DLG5: variants seen among roughly 807,000 people sequenced by gnomAD.
DLG5 encodes discs large MAGUK scaffold protein 5.
DLG5 carries 48 observed loss-of-function variants against 189.8 expected under a neutral mutation model. The ratio of observed to expected loss-of-function variants is 0.25; its 90% CI spans 0.20 to 0.32. The LOEUF is 0.32. Among genes scored for constraint, DLG5 ranks in the 10% least tolerant of loss-of-function variants. The pLI is 1.00. For synonymous variants in DLG5, 1,016 were observed against 1,054.1 expected (o/e 0.96, Z 0.70); for missense variants, 2,160 against 2,544.7 (o/e 0.85, Z 3.25).
At chr10:77,890,552 C>T (rs974487054) in intron 1 of DLG5, among the ~76,000 whole-genome samples, 1 of 152,134 alleles carries the variant, frequency 6.6e-6, no homozygotes. Context: ...CACGGTGGTT[C>T]ACGCCTGTAA....
chr10:77,877,922 C>T (rs936498892), intron 1 of DLG5, among the ~76,000 whole-genome samples: 1 of 152,218 alleles, frequency 6.6e-6, no homozygotes, highest in Non-Finnish European at 1.5e-5. Flanking sequence ...GAAATCTGAG[C>T]AGCAGGGGCA....
Position 77,820,753 on chromosome 10 carries a change from C to G in DLG5, c.3402+329G>C, listed in dbSNP as rs554877234. 2.1e-4 allele frequency: 70 copies of G among 335,226 alleles called. No individual in the cohort carries two copies. The South Asian group carries it at 4.7e-3, about 23-fold the overall frequency. The allele number at this position is 335,226 out of a possible 1,614,324, so 20.8% of individuals were successfully genotyped here. A position where few individuals can be genotyped will look rare whatever the true frequency, so the allele number is the denominator to read the frequency against. ...GTCCCGCTGCCCACTCAGCCTCACA[C>G]GTGCCACCTCATCTCCCTAGCCCTT... On this transcript the variant is annotated intron_variant, in intron 15 of 31. Transcript: ENST00000372391.
chr10:77,816,155 G>C (rs995495696), intron 20 of DLG5: 2 of 494,070 alleles, frequency 4.0e-6, no homozygotes, highest in Non-Finnish European at 4.0e-6. Context: ...TCACTCCAAC[G>C]TCTGGATCCA....
intron 1 of DLG5, among the ~76,000 whole-genome samples, chr10:77,874,443 C>T (rs940007565): frequency 6.6e-6 from 1 of 152,196 alleles, no homozygotes; most frequent in African/African-American, 2.4e-5. Flanking sequence ...AAATCTGAAA[C>T]TTTTTGAGCA....
intron 5 of DLG5, among the ~76,000 whole-genome samples, chr10:77,850,718 TATC>T (rs1342018972): frequency 2.6e-5 from 4 of 152,178 alleles, no homozygotes; most frequent in African/African-American, 9.7e-5. Flanking sequence ...ATTAGAATAA[TATC>T]ATTAACGACC....
intron 2 of DLG5, chr10:77,868,610 A>C (rs1844780852): frequency 4.5e-6 from 1 of 223,418 alleles, no homozygotes; most frequent in African/African-American, 2.3e-5. Flanking sequence ...ACCCCACTAG[A>C]GGTGCTAAAC....
chr10:77,807,969 T>TCAGAAGG, intron 24 of DLG5, 25 bp from the exon 25 acceptor site: 1 of 1,613,174 alleles, frequency 6.2e-7, no homozygotes, highest in Non-Finnish European at 8.5e-7. Context: ...GGTGGATGCA[T>TCAGAAGG]CAGAAGGCAG....
intron 1 of DLG5, among the ~76,000 whole-genome samples, chr10:77,899,969 C>A (rs1023841381): frequency 6.6e-6 from 1 of 152,154 alleles, no homozygotes; most frequent in Non-Finnish European, 1.5e-5. Flanking sequence ...TCTACGGCTC[C>A]CTCTGGCCTA....
intron 5 of DLG5, chr10:77,846,861 C>T (rs1843720720): frequency 1.0e-5 from 4 of 389,682 alleles, no homozygotes; most frequent in Admixed American, 6.5e-5. Flanking sequence ...CAACGCTCTC[C>T]TGCAGCGGCT....
intron 1 of DLG5, among the ~76,000 whole-genome samples, chr10:77,906,955 A>G (rs1390842345): frequency 6.6e-6 from 1 of 151,912 alleles, no homozygotes; most frequent in Non-Finnish European, 1.5e-5. Flanking sequence ...TTGCAATCAC[A>G]TCATCCTTCT....
In DLG5 at chr10:77,796,423, G is replaced by C; in HGVS notation, c.5308+28C>G. 1 of 1,614,104 alleles carries C rather than the reference G, an allele frequency of 6.2e-7. No homozygotes were observed. ...GGACATAGAGACAAAGAGCCCAGTA[G>C]GCACAGAGGGTGCCCCGTGCCCCTT... On this transcript the variant is annotated intron_variant, in intron 28 of 31. Coordinates refer to ENST00000372391, the MANE Select transcript of DLG5 (RefSeq NM_004747.4). This position sits in a 1 kb window ranked among gnomAD's most constrained non-coding sequence, Gnocchi z 5.2.
intron 5 of DLG5, among the ~76,000 whole-genome samples, chr10:77,844,504 G>A (rs1049068055): frequency 1.3e-5 from 2 of 152,206 alleles, no homozygotes; most frequent in African/African-American, 4.8e-5. Flanking sequence ...CGGACCTAAA[G>A]ACTCTCAAAA....
intron 9 of DLG5, among the ~76,000 whole-genome samples, chr10:77,831,431 A>G (rs1243137714): frequency 6.6e-6 from 1 of 152,228 alleles, no homozygotes; most frequent in Non-Finnish European, 1.5e-5. Context: ...AAAAAATAAA[A>G]TCAAAATGCC....
intron 1 of DLG5, among the ~76,000 whole-genome samples, chr10:77,871,744 A>G (rs944822701): frequency 2.0e-5 from 3 of 151,676 alleles, no homozygotes; most frequent in African/African-American, 7.3e-5. Context: ...GGGTTTTGCT[A>G]TGTTGGCCAG....
At position 77,829,514 on chromosome 10, in the gene DLG5, G is replaced by A; in HGVS notation, c.2026C>T (p.Leu676=). 2 of 1,609,390 alleles carry A rather than the reference G, an allele frequency of 1.2e-6. No individual in the cohort carries two copies. Among genetic ancestry groups the A allele is most frequent in the East Asian group, 2.2e-5 (1 of 44,840 alleles). ...DGRLRVNDWL[L]RINDVDLINK... Reference sequence around the variant, plus strand: ...ATGAGGTCCACATCGTTGATTCTCAGCAGCCAGTCATTGACCCTGAGAAAG... The same window carrying A: ...ATGAGGTCCACATCGTTGATTCTCAACAGCCAGTCATTGACCCTGAGAAAG... The change falls in exon 12 of 32, where the codon CTG becomes TTG. Residue 676 remains leucine (L), a synonymous_variant. Coordinates refer to ENST00000372391, the MANE Select transcript of DLG5 (RefSeq NM_004747.4).
intron 5 of DLG5, among the ~76,000 whole-genome samples, chr10:77,847,842 G>C (rs1222293361): frequency 1.3e-5 from 2 of 152,114 alleles, no homozygotes; most frequent in Non-Finnish European, 2.9e-5. Context: ...AAGTAGCTGG[G>C]ACCACAGACA....
chr10:77,939,287 C>T, the DLG5 span, among the ~76,000 whole-genome samples: 1 of 152,148 alleles, frequency 6.6e-6, no homozygotes, highest in Non-Finnish European at 1.5e-5. Flanking sequence ...CCCTGCCTGC[C>T]CTGCCGGTGG....
chr10:77,831,262 G>A (rs1440791451), intron 9 of DLG5, among the ~76,000 whole-genome samples: 4 of 151,988 alleles, frequency 2.6e-5, no homozygotes, highest in Admixed American at 6.6e-5. Flanking sequence ...AAAATTAGCC[G>A]GGCGTGGTGG....
At chr10:77,835,969 T>C (rs754428264) in intron 7 of DLG5, 47 bp from the exon 8 acceptor site, 7 of 1,578,222 alleles carry the variant, frequency 4.4e-6, no homozygotes, top group Non-Finnish European at 6.1e-6. Context: ...CTGAGCCTCA[T>C]GGACCAGGAG....
Sources: gnomAD v4.1 joint callset for allele counts (sites outside exome capture counted in the v4.1 genomes callset) on GRCh38, gnomAD v4.1.1 for gene constraint, Gnocchi (gnomAD v3.1) non-coding constraint, MANE v1.5 for transcripts, NCBI Gene and HGNC (gene_info 2026-07-23, HGNC 2026-07-21) for gene names.